The following ANKS1B variants were observed in gnomAD, a reference collection of about 807,000 sequenced individuals.
ANKS1B encodes ankyrin repeat and sterile alpha motif domain-containing protein 1B.
ANKS1B carries 36 observed loss-of-function variants against 148.3 expected under a neutral mutation model. That is an observed-to-expected ratio of 0.24 (90% CI 0.19 to 0.32). The LOEUF (loss-of-function observed/expected upper bound fraction) is 0.32, where lower values mean the gene tolerates loss of function less well. Ranked by LOEUF, ANKS1B falls within the 10% of genes least tolerant of loss-of-function variation. ANKS1B has a pLI of 1.00. For missense variants in ANKS1B, 1,157 were observed against 1,542.6 expected (o/e 0.75, Z 4.19); for synonymous variants, 542 against 560.8 (o/e 0.97, Z 0.47).
At chr12:99,527,501 T>C (rs2096938505) in intron 9 of ANKS1B, among the ~76,000 whole-genome samples, 1 of 152,188 alleles carries the variant, frequency 6.6e-6, no homozygotes, top group Non-Finnish European at 1.5e-5. Context: ...TCCGGATTTG[T>C]GGCTCTCCCC....
chr12:99,244,771 T>A (rs907351295), intron 13 of ANKS1B, among the ~76,000 whole-genome samples: 1 of 152,186 alleles, frequency 6.6e-6, no homozygotes, highest in Non-Finnish European at 1.5e-5. Context: ...CTGGCACCCT[T>A]CTTCTTCTGC....
chr12:99,205,823 C>A (rs2082603566), intron 14 of ANKS1B, among the ~76,000 whole-genome samples: 1 of 152,188 alleles, frequency 6.6e-6, no homozygotes, highest in African/African-American at 2.4e-5. Context: ...GTTATTACTG[C>A]AGGGAGTCAG....
intron 17 of ANKS1B, among the ~76,000 whole-genome samples, chr12:98,923,477 T>C (rs2099804116): frequency 6.6e-6 from 1 of 152,364 alleles, no homozygotes; most frequent in East Asian, 1.9e-4. Context: ...GTTTGCCTGC[T>C]ATAAAATAAT....
At chr12:99,819,138 TTTC>T (rs1207625438) in intron 2 of ANKS1B, among the ~76,000 whole-genome samples, 1 of 151,922 alleles carries the variant, frequency 6.6e-6, no homozygotes. Flanking sequence ...GATTTCAGAT[TTTC>T]TTGACACTTT....
intron 1 of ANKS1B, among the ~76,000 whole-genome samples, chr12:99,855,716 T>G (rs375035434): frequency 4.9e-4 from 74 of 152,140 alleles, no homozygotes; most frequent in African/African-American, 1.5e-3. Context: ...AAGTACTCTC[T>G]CAAACCACAG....
intron 9 of ANKS1B, among the ~76,000 whole-genome samples, chr12:99,560,925 C>T (rs1311821397): frequency 6.9e-6 from 1 of 144,158 alleles, no homozygotes; most frequent in Non-Finnish European, 1.5e-5. Context: ...CAACTCACTG[C>T]AAGCTCCGCC....
intron 12 of ANKS1B, among the ~76,000 whole-genome samples, chr12:99,298,289 C>G (rs1235531343): frequency 6.6e-6 from 1 of 152,210 alleles, no homozygotes; most frequent in Non-Finnish European, 1.5e-5. Context: ...GTGTCAAGGG[C>G]AGGGCCATGT....
chr12:99,648,641 C>T (rs200493280), intron 9 of ANKS1B: 8 of 1,614,208 alleles, frequency 5.0e-6, no homozygotes, highest in Admixed American at 1.7e-5. Flanking sequence ...TGTCCTCCAT[C>T]GGATGCAAGT....
intron 1 of ANKS1B, among the ~76,000 whole-genome samples, chr12:99,904,645 A>G (rs1416157621): frequency 6.6e-6 from 1 of 152,228 alleles, no homozygotes; most frequent in African/African-American, 2.4e-5. Context: ...AGACCTCTGT[A>G]TTCCAGCCTT....
chr12:99,908,771 T>C (rs914854023), intron 1 of ANKS1B, among the ~76,000 whole-genome samples: 3 of 152,210 alleles, frequency 2.0e-5, no homozygotes, highest in Non-Finnish European at 4.4e-5. Flanking sequence ...ACATGATGTT[T>C]TGTTATACAT....
chr12:99,804,830 T>G (rs1454938530), intron 4 of ANKS1B, among the ~76,000 whole-genome samples: 2 of 152,302 alleles, frequency 1.3e-5, no homozygotes, highest in East Asian at 3.9e-4. Context: ...GTTCCAAGCC[T>G]AGGCCTCAAG....
At chr12:99,884,800 T>C (rs2092731818) in intron 1 of ANKS1B, among the ~76,000 whole-genome samples, 1 of 152,174 alleles carries the variant, frequency 6.6e-6, no homozygotes, top group Non-Finnish European at 1.5e-5. Flanking sequence ...AATGGAACCC[T>C]TTAGTATGTT....
intron 3 of ANKS1B, among the ~76,000 whole-genome samples, chr12:99,807,656 CA>C (rs1233318981): frequency 6.6e-6 from 1 of 152,158 alleles, no homozygotes; most frequent in East Asian, 1.9e-4. Flanking sequence ...TATGTTTACT[CA>C]TTTAATCCTC....
intron 15 of ANKS1B, among the ~76,000 whole-genome samples, chr12:99,134,124 C>T (rs972578537): frequency 7.9e-5 from 12 of 152,084 alleles, no homozygotes; most frequent in African/African-American, 2.4e-4. Context: ...TTATAGACAA[C>T]GATTTTTTTC....
At chr12:99,788,792 C>T (rs1166834589) in intron 4 of ANKS1B, among the ~76,000 whole-genome samples, 1 of 152,070 alleles carries the variant, frequency 6.6e-6, no homozygotes, top group African/African-American at 2.4e-5. Context: ...CAAAAGAGCC[C>T]TTGGGCTTTA....
At chr12:99,257,527 A>G in intron 12 of ANKS1B, among the ~76,000 whole-genome samples, 1 of 152,212 alleles carries the variant, frequency 6.6e-6, no homozygotes, top group Non-Finnish European at 1.5e-5. Context: ...CTACTATTAT[A>G]GTCACCATTT....
intron 15 of ANKS1B, among the ~76,000 whole-genome samples, chr12:99,148,827 G>A (rs180785782): frequency 1.7e-4 from 26 of 152,142 alleles, no homozygotes; most frequent in Non-Finnish European, 1.6e-4. Context: ...TTTAAATGCC[G>A]GCAGTTGAAA....
chr12:99,071,337 A>G (rs904826680), intron 16 of ANKS1B, among the ~76,000 whole-genome samples: 8 of 152,254 alleles, frequency 5.3e-5, no homozygotes, highest in African/African-American at 1.9e-4. Context: ...AAATATAGCC[A>G]AATTCTATTC....
intron 9 of ANKS1B, among the ~76,000 whole-genome samples, chr12:99,566,419 A>T (rs1284485340): frequency 1.3e-5 from 2 of 152,164 alleles, no homozygotes; most frequent in East Asian, 3.9e-4. Flanking sequence ...TTCCAATAAC[A>T]TGCTCCTCAC....
Sources: allele counts gnomAD v4.1 joint callset (sites outside exome capture counted in the v4.1 genomes callset), GRCh38; gene constraint gnomAD v4.1.1; transcripts MANE v1.5; gene names NCBI Gene and HGNC (gene_info 2026-07-23, HGNC 2026-07-21).